Variants in FAM171A1 observed in about 807,000 individuals in gnomAD.
The protein encoded by FAM171A1 is protein FAM171A1.
A neutral mutation model predicts 74.9 loss-of-function variants in FAM171A1; 23 were observed. The observed-to-expected ratio is 0.31, with a 90% confidence interval of 0.22 to 0.44. The LOEUF is 0.44. FAM171A1 is among the 20% of genes least tolerant of loss of function. The pLI is 1.00. For missense variants in FAM171A1, 1,162 were observed against 1,159.2 expected (o/e 1.00, Z -0.03); for synonymous variants, 527 against 505.7 (o/e 1.04, Z -0.57).
intron 5 of FAM171A1, among the ~76,000 whole-genome samples, chr10:15,231,873 C>G (rs750835570): frequency 3.3e-5 from 5 of 152,022 alleles, no homozygotes; most frequent in Non-Finnish European, 5.9e-5. Context: ...TCTCCTGTGC[C>G]TAGGAGTTTA....
At chr10:15,368,880 A>G (rs947579420) in intron 1 of FAM171A1, among the ~76,000 whole-genome samples, 1 of 152,228 alleles carries the variant, frequency 6.6e-6, no homozygotes, top group Non-Finnish European at 1.5e-5. Flanking sequence ...GAAATTGTCC[A>G]TTCCCTTAAA....
At chr10:15,280,553 G>A (rs569223619) in intron 2 of FAM171A1, among the ~76,000 whole-genome samples, 39 of 152,214 alleles carry the variant, frequency 2.6e-4, no homozygotes, top group African/African-American at 8.7e-4. Context: ...TTTTCCTTAT[G>A]CTGGGTTCCT....
At chr10:15,308,020 C>T (rs1457460517) in intron 1 of FAM171A1, among the ~76,000 whole-genome samples, 1 of 152,048 alleles carries the variant, frequency 6.6e-6, no homozygotes, top group Non-Finnish European at 1.5e-5. Flanking sequence ...CTATGTTGCC[C>T]ATGCTGGTCT....
chr10:15,250,856 T>C (rs1196597311), intron 4 of FAM171A1, among the ~76,000 whole-genome samples: 2 of 152,072 alleles, frequency 1.3e-5, no homozygotes, highest in South Asian at 2.1e-4. Context: ...CATCAGGGAG[T>C]GCTGTTTTCT....
chr10:15,275,857 T>A lies in FAM171A1; in HGVS notation c.416A>T (p.Gln139Leu). ...EDVVQIVSGFQGARPQPRVHF... is the reference protein window; with the variant it reads ...EDVVQIVSGFLGARPQPRVHF... ...ACTGAAAAAAATATTAAATATACCTTGGAATCCTGATACTATTTGGACGAC... is the reference window on the plus strand; with the variant it reads ...ACTGAAAAAAATATTAAATATACCTAGGAATCCTGATACTATTTGGACGAC... The change falls in exon 3 of 8, where the codon CAA becomes CTA. Residue 139 changes from glutamine to leucine, a missense_variant and splice_region_variant. By Grantham distance (113) the Gln-to-Leu change is moderately radical (BLOSUM62 -2). Transcript: ENST00000378116. The A allele has an allele frequency of 6.3e-7, 1 of 1,598,186 alleles. No individual in the cohort carries two copies. Among genetic ancestry groups the A allele is most frequent in the Non-Finnish European group, 8.6e-7 (1 of 1,168,690 alleles).
intron 1 of FAM171A1, among the ~76,000 whole-genome samples, chr10:15,315,431 G>A (rs1009454381): frequency 6.6e-6 from 1 of 152,166 alleles, no homozygotes; most frequent in East Asian, 1.9e-4. Context: ...AGCCTTTCAC[G>A]GTGTGGGCTT....
chr10:15,340,811 C>T (rs1386808011), intron 1 of FAM171A1, among the ~76,000 whole-genome samples: 1 of 152,122 alleles, frequency 6.6e-6, no homozygotes, highest in African/African-American at 2.4e-5. Flanking sequence ...AGAGAGGTGA[C>T]ATGCAGAAGC....
intron 3 of FAM171A1, among the ~76,000 whole-genome samples, chr10:15,262,869 C>A (rs367627061): frequency 1.3e-5 from 2 of 152,216 alleles, no homozygotes; most frequent in East Asian, 1.9e-4. Context: ...CAGGAGGACA[C>A]TGCCATGTCC....
At chr10:15,302,141 C>T (rs565837580) in intron 1 of FAM171A1, among the ~76,000 whole-genome samples, 3 of 152,282 alleles carry the variant, frequency 2.0e-5, no homozygotes, top group South Asian at 4.2e-4. Flanking sequence ...AGACCCCCAC[C>T]TGCCAGCCAC....
chr10:15,286,977 A>C (rs1219149561), intron 1 of FAM171A1, among the ~76,000 whole-genome samples: 2 of 152,196 alleles, frequency 1.3e-5, no homozygotes, highest in African/African-American at 4.8e-5. Flanking sequence ...AACATCCAAA[A>C]AGGGACAAAT....
chr10:15,291,323 A>G (rs1489001305), intron 1 of FAM171A1, among the ~76,000 whole-genome samples: 1 of 152,170 alleles, frequency 6.6e-6, no homozygotes, highest in African/African-American at 2.4e-5. Context: ...TCTTAACACA[A>G]CACTACCTGA....
intron 1 of FAM171A1, among the ~76,000 whole-genome samples, chr10:15,360,388 C>T (rs1433634950): frequency 6.6e-6 from 1 of 152,234 alleles, no homozygotes; most frequent in Non-Finnish European, 1.5e-5. Flanking sequence ...AAATGGAAAA[C>T]TAATGCAATG....
In FAM171A1 at chr10:15,214,305, C is replaced by G. The variant is rs374423460; in HGVS notation, c.1283G>C (p.Arg428Pro). 1 of 1,613,160 alleles carries G rather than the reference C, an allele frequency of 6.2e-7. No homozygotes were observed. Among genetic ancestry groups the G allele is most frequent in the South Asian group, 1.1e-5 (1 of 90,966 alleles). The change falls in exon 8 of 8, where the codon CGG becomes CCG. Residue 428 changes from arginine (R) to proline (P), a missense_variant. By Grantham distance (103) the Arg-to-Pro change is moderately radical. Coordinates refer to ENST00000378116, the MANE Select transcript of FAM171A1 (RefSeq NM_001010924.2). ...TTCCTTGCAAGAGAGGAGCTCCTCC[C>G]GGGAGCTAAATTCCTGGGAGGTGCT... ...SYSTSQEFSSREELLSCKEED... is the reference protein window; with the variant it reads ...SYSTSQEFSSPEELLSCKEED...
intron 5 of FAM171A1, 75 bp from the exon 6 acceptor site, chr10:15,221,135 T>A (rs746242486): frequency 7.9e-5 from 98 of 1,240,600 alleles, no homozygotes; most frequent in Non-Finnish European, 1.1e-4. Context: ...ATTGTAAAAG[T>A]CATCTTAAAT....
At chr10:15,308,427 C>T (rs865908572) in intron 1 of FAM171A1, among the ~76,000 whole-genome samples, 16 of 152,190 alleles carry the variant, frequency 1.1e-4, no homozygotes, top group Middle Eastern at 3.4e-3. Context: ...TTAAAGATAC[C>T]GAACAGCTCG....
chr10:15,355,179 G>C (rs1188649516), intron 1 of FAM171A1, among the ~76,000 whole-genome samples: 1 of 152,182 alleles, frequency 6.6e-6, no homozygotes, highest in African/African-American at 2.4e-5. Flanking sequence ...AGACCTTCCA[G>C]GCTCAAGCAA....
chr10:15,314,256 C>T (rs1835397660), intron 1 of FAM171A1, among the ~76,000 whole-genome samples: 1 of 151,568 alleles, frequency 6.6e-6, no homozygotes, highest in Non-Finnish European at 1.5e-5. Flanking sequence ...CTTAACATTC[C>T]TAGCAAAAAA....
At chr10:15,345,810 A>C (rs1234431298) in intron 1 of FAM171A1, among the ~76,000 whole-genome samples, 1 of 152,182 alleles carries the variant, frequency 6.6e-6, no homozygotes, top group African/African-American at 2.4e-5. Context: ...AGACTACGAA[A>C]GGACAGATCA....
At position 15,370,995 on chromosome 10, in the gene FAM171A1, C is replaced by T; in HGVS notation, c.58G>A (p.Val20Met). Reference protein sequence around the residue: ...CLLGCHVWKAVTKTLREPGAG... With the variant: ...CLLGCHVWKAMTKTLREPGAG... ...CCGGGCTCCCGCAGCGTCTTGGTCA[C>T]CGCCTTCCAGACGTGGCAGCCCAGC... The change falls in exon 1 of 8, where the codon GTG (valine) becomes ATG (methionine). Residue 20 changes from valine (V) to methionine (M), a missense_variant. Transcript: ENST00000378116. 1 of 1,193,816 alleles carries T rather than the reference C, an allele frequency of 8.4e-7. No individual in the cohort carries two copies. Among genetic ancestry groups the T allele is most frequent in the Non-Finnish European group, 1.1e-6 (1 of 939,886 alleles). The allele number at this position is 1,193,816 out of a possible 1,614,324, so 74.0% of individuals were successfully genotyped here.
Sources: allele counts gnomAD v4.1 joint callset (sites outside exome capture counted in the v4.1 genomes callset), GRCh38; gene constraint gnomAD v4.1.1; transcripts MANE v1.5; gene names NCBI Gene and HGNC (gene_info 2026-07-23, HGNC 2026-07-21).